The following TESK1 variants were observed in gnomAD, a reference collection of about 807,000 sequenced individuals.
TESK1 encodes the protein dual specificity testis-specific protein kinase 1.
In TESK1, 18 loss-of-function variants were observed where a neutral mutation model predicts 59.9. That is an observed-to-expected ratio of 0.30 (90% confidence interval 0.21 to 0.45). The LOEUF is 0.45. Among genes scored for constraint, TESK1 ranks in the 20% least tolerant of loss-of-function variants. The pLI is 1.00. For missense variants in TESK1, 748 were observed against 840.9 expected (o/e 0.89, Z 1.37); for synonymous variants, 341 against 357.4 (o/e 0.95, Z 0.52).
chr9:35,606,440 A>G (rs887735887), intron 3 of TESK1, among the ~76,000 whole-genome samples, 155 bp downstream of exon 3: 1 of 152,216 alleles, frequency 6.6e-6, no homozygotes, highest in African/African-American at 2.4e-5. Flanking sequence ...GGCAAACCAC[A>G]TATAAAAGGC....
chr9:35,609,100 C>T lies in TESK1; in HGVS notation c.1239C>T (p.Ser413=). The change falls in exon 10 of 10, where the codon TCC becomes TCT. Residue 413 remains serine, a synonymous_variant. Transcript: ENST00000336395. This position sits in a 1 kb window ranked among gnomAD's most constrained non-coding sequence, Gnocchi z 6.7. ...TTGTGCCACCATCACCATTCCCATC[C>T]ACTCAGCTGCCCTTGGTGACCACTC... ...LPLVPPSPFP[S]TQLPLVTTPE... is the part of the protein sequence containing the mutation. The T allele has an allele frequency of 6.2e-7, 1 of 1,614,216 alleles. No individual in the cohort carries two copies. Among genetic ancestry groups the T allele is most frequent in the Non-Finnish European group, 8.5e-7 (1 of 1,180,038 alleles).
At position 35,607,119 on chromosome 9, in the gene TESK1, A is replaced by T. The variant is rs557606389; in HGVS notation, c.537+136A>T. On this transcript the variant is annotated intron_variant, in intron 4 of 9. Coordinates refer to ENST00000336395, the MANE Select transcript of TESK1 (RefSeq NM_006285.3). This position sits in a 1 kb window ranked among gnomAD's most constrained non-coding sequence, Gnocchi z 4.5. ...GCAAGGCATTGGAGAATATTGGGGG[A>T]CCAGGGTGAGGGGAGTGCTCGGAGG... is the stretch of plus-strand genomic sequence containing the variant. 1 of 1,356,388 alleles carries T rather than the reference A, an allele frequency of 7.4e-7. No individual in the cohort carries two copies. Among genetic ancestry groups the T allele is most frequent in the East Asian group, 2.5e-5 (1 of 39,616 alleles). 84.0% of individuals were successfully genotyped at this position (1,356,388 alleles called of 1,614,324 possible). A position where few individuals can be genotyped will look rare whatever the true frequency, so the allele number is the denominator to read the frequency against.
rs371964562 is a variant in TESK1, at chr9:35,607,708, C to T, written c.711+36C>T. 1.9e-5 allele frequency: 29 copies of T among 1,558,638 alleles called. No individual in the cohort carries two copies. The African/African-American group carries it at 2.7e-4, about 15-fold the overall frequency. On this transcript the variant is annotated intron_variant, in intron 6 of 9. Coordinates refer to ENST00000336395, the MANE Select transcript of TESK1 (RefSeq NM_006285.3). The surrounding 1 kb of genome is among the most constrained non-coding windows in gnomAD (Gnocchi z 4.5). The stretch of plus-strand genomic sequence containing the variant: ...AACCCTTCAGATCCCCAAGGCCTTC[C>T]GAGACCCTTGAGGTATTCTCATAAA...
chr9:35,606,060 G>A lies in TESK1; in HGVS notation c.296G>A (p.Arg99Gln). The change falls in exon 2 of 10, where the codon CGG (arginine) becomes CAG (glutamine). Residue 99 changes from arginine to glutamine, a missense_variant. Transcript: ENST00000336395. ...KLPSNRGNTL[R>Q]EVQLMNRLRH... ...CCCAGTAACCGGGGCAACACACTAC[G>A]GGAAGTGCAGCTGATGAACCGGCTC... 1 of 1,614,158 alleles carries A rather than the reference G, an allele frequency of 6.2e-7. No homozygotes were observed. The highest frequency in any genetic ancestry group is 8.5e-7 in the Non-Finnish European group (1 of 1,180,002).
At position 35,605,796 on chromosome 9, in the gene TESK1, C is replaced by T. The variant is rs1822834270; in HGVS notation, c.177C>T (p.Cys59=). 6.2e-7 allele frequency: 1 copy of T among 1,611,876 alleles called. No homozygotes were observed. Among genetic ancestry groups the T allele is most frequent in the Non-Finnish European group, 8.5e-7 (1 of 1,179,514 alleles). Residue 59 remains cysteine, a synonymous_variant, in exon 1 of 10, where the codon TGC becomes TGT. Coordinates refer to ENST00000336395, the MANE Select transcript of TESK1 (RefSeq NM_006285.3). ...SSLARVDDFH[C]AEKIGAGFFS... ...TGGCGCGTGTGGACGATTTTCACTG[C>T]GCGGAGAAGATCGGGGCCGGCTTCT...
At position 35,609,490 on chromosome 9, in the gene TESK1, G is replaced by T; in HGVS notation, c.1629G>T (p.Arg543=). Residue 543 remains arginine (R), a synonymous_variant, in exon 10 of 10, where the codon CGG becomes CGT. Coordinates refer to ENST00000336395, the MANE Select transcript of TESK1 (RefSeq NM_006285.3). The surrounding 1 kb of genome is among the most constrained non-coding windows in gnomAD (Gnocchi z 6.7). ...PWNRAQHSLP[R]AAALERTEPS... ...ACCGGGCCCAGCATAGCCTGCCCCG[G>T]GCGGCAGCCCTGGAGCGGACAGAAC... is the stretch of plus-strand genomic sequence containing the variant. The T allele has an allele frequency of 6.2e-7, 1 of 1,604,858 alleles. No homozygotes were observed. The highest frequency in any genetic ancestry group is 8.5e-7 in the Non-Finnish European group (1 of 1,174,892).
At chr9:35,608,085 T>C (rs1369886668) in intron 7 of TESK1, 74 bp downstream of exon 7, 1 of 1,609,256 alleles carries the variant, frequency 6.2e-7, no homozygotes, top group Middle Eastern at 1.7e-4. Flanking sequence ...TCCCTAGAGG[T>C]TGAGGTTCTG....
intron 3 of TESK1, 133 bp downstream of exon 3, chr9:35,606,418 A>C: frequency 1.8e-6 from 2 of 1,106,506 alleles, no homozygotes; most frequent in Non-Finnish European, 2.7e-6. Flanking sequence ...GGCTTTCCTG[A>C]ACTTTCCTTT....
intron 9 of TESK1, 120 bp downstream of exon 9, chr9:35,608,629 G>T: frequency 2.0e-6 from 2 of 999,350 alleles, no homozygotes; most frequent in South Asian, 1.6e-5. Flanking sequence ...GGGTCGGGCT[G>T]GGGTAGGGTG....
Sources: gnomAD v4.1 joint callset for allele counts (sites outside exome capture counted in the v4.1 genomes callset) on GRCh38, gnomAD v4.1.1 for gene constraint, Gnocchi (gnomAD v3.1) non-coding constraint, MANE v1.5 for transcripts, NCBI Gene and HGNC (gene_info 2026-07-23, HGNC 2026-07-21) for gene names.